The following ACOD1 variants were observed in gnomAD, a reference collection of about 807,000 sequenced individuals.
ACOD1 encodes the protein cis-aconitate decarboxylase.
ACOD1 carries 14 observed loss-of-function variants against 14.2 expected under a neutral mutation model. The observed-to-expected ratio is 0.99, with a 90% CI of 0.65 to 1.54. The LOEUF is 1.54. Among genes scored for constraint, ACOD1 ranks in the 40% most tolerant of loss-of-function variants. The probability of loss-of-function intolerance (pLI) is 0.00; values close to 1 mark genes in which losing one functional copy is unlikely to be tolerated. For missense variants in ACOD1, 530 were observed against 586.3 expected, an observed-to-expected ratio of 0.90 and a Z score of 0.99; for synonymous variants, 182 against 221.7, an observed-to-expected ratio of 0.82 and a Z score of 1.59.
chr13:76,950,535 G>A (rs1399923078), intron 1 of ACOD1, among the ~76,000 whole-genome samples: 1 of 152,212 alleles, frequency 6.6e-6, no homozygotes, highest in Non-Finnish European at 1.5e-5. Flanking sequence ...ATGGGTAGAA[G>A]CAGAATGAGC....
At position 76,953,661 on chromosome 13, in the gene ACOD1, C is replaced by T. The variant is rs1341281700; in HGVS notation, c.236C>T (p.Thr79Ile). Residue 79 changes from threonine to isoleucine, a missense_variant, in exon 3 of 5, where the codon ACA becomes ATA. Physicochemically the swap from Thr to Ile is moderately conservative, Grantham distance 89. Transcript: ENST00000377462. ...CAGCCAGACATCAGGCTCCCGCCCA[C>T]ATATGCTGCTTTTGTGAACGGTGTG... ...WGQPDIRLPP[T>I]YAAFVNGVAI... The T allele has an allele frequency of 2.6e-6, 4 of 1,548,124 alleles. No individual in the cohort carries two copies. In the African/African-American group the frequency reaches 5.5e-5, roughly 21 times the overall value.
At position 76,958,080 on chromosome 13, in the gene ACOD1, G is replaced by A; in HGVS notation, c.*95G>A. 1 of 1,220,162 alleles carries A rather than the reference G, an allele frequency of 8.2e-7. No homozygotes were observed. 75.6% of individuals were successfully genotyped at this position (1,220,162 alleles called of 1,614,324 possible). A position where few individuals can be genotyped will look rare whatever the true frequency, so the allele number is the denominator to read the frequency against. ...GCTGCTTGGTTTTCCCAGGAAAAAT[G>A]AACAAAGATGGAGAGAGTCCAGAAA... On this transcript the variant is annotated 3_prime_UTR_variant, in exon 5 of 5. Transcript: ENST00000377462.
intron 4 of ACOD1, 61 bp from the exon 5 acceptor site, chr13:76,956,949 C>T: frequency 6.8e-7 from 1 of 1,478,934 alleles, no homozygotes; most frequent in Non-Finnish European, 9.0e-7. Context: ...GATGACTACG[C>T]TATCCTGCCT....
chr13:76,958,197 A>T lies in ACOD1; in HGVS notation c.*212A>T. On this transcript the variant is annotated 3_prime_UTR_variant, in exon 5 of 5. Transcript: ENST00000377462. Reference sequence around the variant, plus strand: ...ATCAAGATGAAACACACACACAAAAATGAGTTTGTAAGCATTCACAAGGGT... The same window carrying T: ...ATCAAGATGAAACACACACACAAAATTGAGTTTGTAAGCATTCACAAGGGT... 1 of 478,228 alleles carries T rather than the reference A, an allele frequency of 2.1e-6. No individual in the cohort carries two copies. The highest frequency in any genetic ancestry group is 3.8e-5 in the South Asian group (1 of 26,154). The allele number at this position is 478,228 out of a possible 1,614,324, so 29.6% of individuals were successfully genotyped here.
At position 76,957,006 on chromosome 13, in the gene ACOD1, T is replaced by C; in HGVS notation, c.471-4T>C. The C allele has an allele frequency of 6.5e-7, 1 of 1,542,568 alleles. No individual in the cohort carries two copies. On this transcript the variant is annotated splice_region_variant and splice_polypyrimidine_tract_variant and intron_variant, in intron 4 of 4. Coordinates refer to ENST00000377462, the MANE Select transcript of ACOD1 (RefSeq NM_001258406.2). ...ATCTCCAACTCTGCTTCTTTGCTTT[T>C]CAGATTCCATCCCCCTTCCGTGGTA... is the stretch of plus-strand genomic sequence containing the variant.
At chr13:76,948,652 C>T (rs2033792228) in intron 1 of ACOD1, 82 bp downstream of exon 1, 22 of 1,139,494 alleles carry the variant, frequency 1.9e-5, no homozygotes, top group Non-Finnish European at 2.8e-5. Context: ...GTTGCCCTCT[C>T]CTTTTAAGAA....
Position 76,957,187 on chromosome 13 carries a change from G to T in ACOD1, c.648G>T (p.Lys216Asn). 6.4e-7 allele frequency: 1 copy of T among 1,550,656 alleles called. No individual in the cohort carries two copies. Among genetic ancestry groups the T allele is most frequent in the South Asian group, 1.2e-5 (1 of 84,068 alleles). Reference sequence around the variant, plus strand: ...CCCTCCACATTGGCAATGCTGCCAAGCATGGGATAGAAGCTGCATTTTTGG... The same window carrying T: ...CCCTCCACATTGGCAATGCTGCCAATCATGGGATAGAAGCTGCATTTTTGG... ...TKPLHIGNAA[K>N]HGIEAAFLAM... Residue 216 changes from lysine to asparagine, a missense_variant, in exon 5 of 5, where the codon AAG (lysine) becomes AAT (asparagine). Lys to Asn is a moderately conservative substitution (Grantham distance 94, BLOSUM62 0). Coordinates refer to ENST00000377462, the MANE Select transcript of ACOD1 (RefSeq NM_001258406.2).
At chr13:76,953,475 C>G (rs922345102) in intron 2 of ACOD1, 125 bp from the exon 3 acceptor site, 18 of 602,392 alleles carry the variant, frequency 3.0e-5, no homozygotes, top group Non-Finnish European at 5.2e-5. Flanking sequence ...ACTAGGGCTT[C>G]TATCTGTGGC....
At position 76,957,819 on chromosome 13, in the gene ACOD1, C is replaced by T; in HGVS notation, c.1280C>T (p.Ser427Phe). 1 of 1,551,020 alleles carries T rather than the reference C, an allele frequency of 6.4e-7. No individual in the cohort carries two copies. Among genetic ancestry groups the T allele is most frequent in the Admixed American group, 2.0e-5 (1 of 51,008 alleles). ...GAGGAAAAGTTCAGAGCCAATGCCT[C>T]CAAGATGCTGTCCTGGGACACAGTG... ...DLEEKFRANA[S>F]KMLSWDTVES... The change falls in exon 5 of 5, where the codon TCC becomes TTC. Residue 427 changes from serine (S) to phenylalanine (F), a missense_variant. By Grantham distance (155) the Ser-to-Phe change is radical. Coordinates refer to ENST00000377462, the MANE Select transcript of ACOD1 (RefSeq NM_001258406.2).
chr13:76,957,754 C>G lies in ACOD1; in HGVS notation c.1215C>G (p.Phe405Leu). ...GATFTDRSDT[F>L]YGHWRKPLSQ... ...CCTTCACAGATCGCTCTGATACCTT[C>G]TATGGGCACTGGAGAAAACCACTGA... Residue 405 changes from phenylalanine (F) to leucine (L), a missense_variant, in exon 5 of 5, where the codon TTC becomes TTG. Phe to Leu is a conservative substitution (Grantham distance 22). Coordinates refer to ENST00000377462, the MANE Select transcript of ACOD1 (RefSeq NM_001258406.2). 1 of 1,550,702 alleles carries G rather than the reference C, an allele frequency of 6.4e-7. No individual in the cohort carries two copies. The highest frequency in any genetic ancestry group is 8.7e-7 in the Non-Finnish European group (1 of 1,147,032).
chr13:76,957,060 C>T lies in ACOD1; in HGVS notation c.521C>T (p.Ser174Phe). 1 of 1,550,610 alleles carries T rather than the reference C, an allele frequency of 6.4e-7. No individual in the cohort carries two copies. Residue 174 changes from serine to phenylalanine, a missense_variant, in exon 5 of 5, where the codon TCC becomes TTC. Coordinates refer to ENST00000377462, the MANE Select transcript of ACOD1 (RefSeq NM_001258406.2). Reference sequence around the variant, plus strand: ...ACGTTGGGTAGTGCTGCTGCTGCATCCAAGTTTTTAGGACTTAGCTCGACA... The same window carrying T: ...ACGTTGGGTAGTGCTGCTGCTGCATTCAAGTTTTTAGGACTTAGCTCGACA... ...VGTLGSAAAA[S>F]KFLGLSSTKC...
At position 76,958,133 on chromosome 13, in the gene ACOD1, T is replaced by G; in HGVS notation, c.*148T>G. 1.3e-6 allele frequency: 1 copy of G among 761,316 alleles called. No individual in the cohort carries two copies. Among genetic ancestry groups the G allele is most frequent in the South Asian group, 2.5e-5 (1 of 40,744 alleles). The allele number at this position is 761,316 out of a possible 1,614,324, so 47.2% of individuals were successfully genotyped here. A position where few individuals can be genotyped will look rare whatever the true frequency, so the allele number is the denominator to read the frequency against. On this transcript the variant is annotated 3_prime_UTR_variant, in exon 5 of 5. Coordinates refer to ENST00000377462, the MANE Select transcript of ACOD1 (RefSeq NM_001258406.2). ...GAACTACATATATCTGGAAGGAGCC[T>G]TCTCCTGAAAATTTTGCAGGACAGT...
rs145872146 is a variant in ACOD1 at position 76,952,617 on chromosome 13, G to A, written c.141G>A (p.Thr47=). ...TLGAGFLGTT[T]EVFHIASQYS... is the part of the protein sequence containing the mutation. ...GTGCTGGGTTCCTGGGAACCACTACGGAAGTGTTTCACATAGCCAGCCAAT... is the reference window on the plus strand; with the variant it reads ...GTGCTGGGTTCCTGGGAACCACTACAGAAGTGTTTCACATAGCCAGCCAAT... Residue 47 remains threonine (T), a synonymous_variant, in exon 2 of 5, where the codon ACG becomes ACA. Transcript: ENST00000377462. 3.0e-4 allele frequency: 471 copies of A among 1,550,364 alleles called. 1 individual carries two copies. Among genetic ancestry groups the A allele is most frequent in the African/African-American group, 9.0e-4 (66 of 73,148 alleles).
chr13:76,955,298 T>A, intron 3 of ACOD1, 21 bp from the exon 4 acceptor site: 2 of 1,545,304 alleles, frequency 1.3e-6, no homozygotes, highest in Non-Finnish European at 8.7e-7. Context: ...TTTTTGTTGC[T>A]GTTTGTGTCT....
In ACOD1 at chr13:76,957,457, T is replaced by A. The variant is rs1344518214; in HGVS notation, c.918T>A (p.Ile306=). The A allele has an allele frequency of 6.4e-7, 1 of 1,550,530 alleles. No homozygotes were observed. Among genetic ancestry groups the A allele is most frequent in the African/African-American group, 1.4e-5 (1 of 73,060 alleles). ...AERALLPTDY[I]KRIVLRIPNV... is the part of the protein sequence containing the mutation. ...GAGCCCTGCTTCCAACTGACTACAT[T>A]AAGAGAATTGTGCTCAGGATACCAA... The change falls in exon 5 of 5, where the codon ATT becomes ATA. Residue 306 remains isoleucine (I), a synonymous_variant. Coordinates refer to ENST00000377462, the MANE Select transcript of ACOD1 (RefSeq NM_001258406.2).
rs1310868781 is a variant in ACOD1 at position 76,953,665 on chromosome 13, T to C, written c.240T>C (p.Tyr80=). The change falls in exon 3 of 5, where the codon TAT becomes TAC. Residue 80 remains tyrosine (Y), a synonymous_variant. Transcript: ENST00000377462. ...GQPDIRLPPT[Y]AAFVNGVAIH... ...CAGACATCAGGCTCCCGCCCACATATGCTGCTTTTGTGAACGGTGTGGCTG... is the reference window on the plus strand; with the variant it reads ...CAGACATCAGGCTCCCGCCCACATACGCTGCTTTTGTGAACGGTGTGGCTG... 5 of 1,547,588 alleles carry C rather than the reference T, an allele frequency of 3.2e-6. No individual in the cohort carries two copies. The Admixed American group carries it at 9.8e-5, about 30-fold the overall frequency.
intron 4 of ACOD1, 107 bp downstream of exon 4, chr13:76,955,631 T>A: frequency 2.2e-6 from 2 of 927,050 alleles, no homozygotes; most frequent in Non-Finnish European, 3.3e-6. Context: ...AGGAAGATGT[T>A]AACATTAGCA....
chr13:76,958,319 C>A lies in ACOD1; in HGVS notation c.*334C>A. 4.7e-6 allele frequency: 1 copy of A among 213,016 alleles called. No homozygotes were observed. Among genetic ancestry groups the A allele is most frequent in the Non-Finnish European group, 9.4e-6 (1 of 106,424 alleles). The allele number at this position is 213,016 out of a possible 1,614,324, so 13.2% of individuals were successfully genotyped here. A position where few individuals can be genotyped will look rare whatever the true frequency, so the allele number is the denominator to read the frequency against. On this transcript the variant is annotated 3_prime_UTR_variant, in exon 5 of 5. Coordinates refer to ENST00000377462, the MANE Select transcript of ACOD1 (RefSeq NM_001258406.2). Reference sequence around the variant, plus strand: ...CCTCAAGGTTTTAGAGGGATGTGAACCTGCATGTATATTTTCTGACAGTGG... The same window carrying A: ...CCTCAAGGTTTTAGAGGGATGTGAAACTGCATGTATATTTTCTGACAGTGG...
rs1442617397 is a variant in ACOD1, at chr13:76,957,849, G to A, written c.1310G>A (p.Ser437Asn). 1.9e-6 allele frequency: 3 copies of A among 1,551,114 alleles called. No homozygotes were observed. The highest frequency in any genetic ancestry group is 1.7e-6 in the Non-Finnish European group (2 of 1,147,122). ...ATGCTGTCCTGGGACACAGTGGAAA[G>A]CCTTATAAAGATAGTCAAAAATCTA... Reference protein sequence around the residue: ...SKMLSWDTVESLIKIVKNLED... With the variant: ...SKMLSWDTVENLIKIVKNLED... The change falls in exon 5 of 5, where the codon AGC (serine) becomes AAC (asparagine). Residue 437 changes from serine (S) to asparagine (N), a missense_variant. Transcript: ENST00000377462.
Sources: allele counts gnomAD v4.1 joint callset (sites outside exome capture counted in the v4.1 genomes callset), GRCh38; gene constraint gnomAD v4.1.1; transcripts MANE v1.5; gene names NCBI Gene and HGNC (gene_info 2026-07-23, HGNC 2026-07-21).